Variants in CDC73 observed in about 807,000 individuals in gnomAD.
CDC73 encodes parafibromin.
Under a neutral mutation model 83.7 loss-of-function variants are expected in CDC73, and 21 were observed. That is an observed-to-expected ratio of 0.25 (90% confidence interval 0.18 to 0.36). The LOEUF (loss-of-function observed/expected upper bound fraction) is 0.36, where lower values mean the gene tolerates loss of function less well. CDC73 is among the 10% of genes least tolerant of loss of function. CDC73 has a pLI of 1.00. For missense variants in CDC73, 342 were observed against 653.3 expected (o/e 0.52, Z 5.19); for synonymous variants, 224 against 212.9 (o/e 1.05, Z -0.45).
At chr1:193,204,872 A>G (rs1030858494) in intron 11 of CDC73, among the ~76,000 whole-genome samples, 2 of 152,158 alleles carry the variant, frequency 1.3e-5, no homozygotes, top group African/African-American at 4.8e-5. Flanking sequence ...TACAGATGTG[A>G]ATTTTTTTCC....
In CDC73 at chr1:193,212,162, C is replaced by A; in HGVS notation, c.1066+62C>A. 3 of 1,340,032 alleles carry A rather than the reference C, an allele frequency of 2.2e-6. No individual in the cohort carries two copies. In the South Asian group the frequency reaches 3.8e-5, roughly 17 times the overall value. 83.0% of individuals were successfully genotyped at this position (1,340,032 alleles called of 1,614,324 possible). ...AAAGTAAATGATTGCAAAACCAGGC[C>A]TGATAATTTTCTTGTGCAGCTGTAT... is the stretch of plus-strand genomic sequence containing the variant. On this transcript the variant is annotated intron_variant, in intron 12 of 16. Coordinates refer to ENST00000367435, the MANE Select transcript of CDC73 (RefSeq NM_024529.5).
chr1:193,141,412 G>A (rs1489422301), intron 6 of CDC73, among the ~76,000 whole-genome samples: 1 of 152,122 alleles, frequency 6.6e-6, no homozygotes, highest in Non-Finnish European at 1.5e-5. Flanking sequence ...CTGCACTATG[G>A]CATACAAGTT....
chr1:193,230,833 G>A (rs1193737742), intron 13 of CDC73, among the ~76,000 whole-genome samples: 2 of 152,122 alleles, frequency 1.3e-5, no homozygotes, highest in Non-Finnish European at 2.9e-5. Context: ...TTAGGGAAGA[G>A]GTCATAAGAT....
chr1:193,245,063 T>G (rs1423723323), intron 15 of CDC73, among the ~76,000 whole-genome samples: 2 of 152,258 alleles, frequency 1.3e-5, no homozygotes, highest in African/African-American at 2.4e-5. Context: ...CATAGTGATA[T>G]TTTGATACAT....
At chr1:193,170,882 A>G (rs776182740) in intron 10 of CDC73, among the ~76,000 whole-genome samples, 4 of 152,152 alleles carry the variant, frequency 2.6e-5, no homozygotes, top group Non-Finnish European at 5.9e-5. Flanking sequence ...TCTTTCTAAA[A>G]CACATCTGTG....
chr1:193,235,032 GT>G (rs1677733107), intron 14 of CDC73, among the ~76,000 whole-genome samples: 1 of 151,972 alleles, frequency 6.6e-6, no homozygotes, highest in South Asian at 2.1e-4. Flanking sequence ...CTGGTTTAAT[GT>G]TTTTTTGTAT....
intron 8 of CDC73, among the ~76,000 whole-genome samples, chr1:193,149,363 C>T (rs763152767): frequency 6.6e-6 from 1 of 151,814 alleles, no homozygotes; most frequent in Non-Finnish European, 1.5e-5. Context: ...CAGCAGTTCC[C>T]TACTTATTAG....
chr1:193,200,074 A>C (rs917693772), intron 10 of CDC73, among the ~76,000 whole-genome samples: 3 of 151,724 alleles, frequency 2.0e-5, no homozygotes, highest in Non-Finnish European at 4.4e-5. Context: ...CAAAAAAAAA[A>C]AAAACAAAAA....
chr1:193,130,233 T>C lies in CDC73; in HGVS notation c.297T>C (p.Asn99=). Residue 99 remains asparagine, a synonymous_variant, in exon 3 of 17, where the codon AAT becomes AAC. Transcript: ENST00000367435. ...GAAAAGATCTACTTGGATATCTCAA[T>C]GGTGAAGCGTGTGAGTACTTTTTAA... is the stretch of plus-strand genomic sequence containing the variant. ...PDRKDLLGYL[N]GEASTSASID... 1.3e-6 allele frequency: 2 copies of C among 1,574,544 alleles called. No homozygotes were observed. The highest frequency in any genetic ancestry group is 2.2e-5 in the East Asian group (1 of 44,652).
At chr1:193,208,332 G>A (rs530728513) in intron 11 of CDC73, among the ~76,000 whole-genome samples, 21 of 152,112 alleles carry the variant, frequency 1.4e-4, no homozygotes, top group Non-Finnish European at 2.6e-4. Flanking sequence ...TTTTATTTCC[G>A]GTGGCACCTT....
intron 11 of CDC73, 119 bp from the exon 12 acceptor site, chr1:193,211,946 G>A: frequency 1.3e-6 from 1 of 748,858 alleles, no homozygotes. Flanking sequence ...AAAGTCTTCT[G>A]ATTTACAGTT....
intron 8 of CDC73, 101 bp from the exon 9 acceptor site, chr1:193,150,203 C>T (rs1676081158): frequency 1.3e-5 from 11 of 834,392 alleles, no homozygotes; most frequent in East Asian, 8.1e-5. Flanking sequence ...CCCAGGAGGT[C>T]TTGGCTGCAG....
Position 193,135,524 on chromosome 1 carries a change from CTTTCTT to C in CDC73, c.371-10_371-5del. ...CAAAACTACACATTTATTTACTTCT[CTTTCTT>C]TTATAGTCAAACGAGCTGCAGATGA... On this transcript the variant is annotated splice_region_variant and splice_polypyrimidine_tract_variant and intron_variant, in intron 4 of 16. Coordinates refer to ENST00000367435, the MANE Select transcript of CDC73 (RefSeq NM_024529.5). 6.2e-7 allele frequency: 1 copy of C among 1,613,302 alleles called. No individual in the cohort carries two copies. The highest frequency in any genetic ancestry group is 8.5e-7 in the Non-Finnish European group (1 of 1,179,356).
At chr1:193,162,411 C>T (rs138770337) in intron 10 of CDC73, among the ~76,000 whole-genome samples, 5,676 of 145,938 alleles carry the variant, frequency 0.039, 109 homozygotes, top group Middle Eastern at 0.049. Flanking sequence ...CTCACTCTGT[C>T]GCTCAGGCTG....
At chr1:193,226,246 G>A (rs375213440) in intron 13 of CDC73, among the ~76,000 whole-genome samples, 13 of 152,138 alleles carry the variant, frequency 8.5e-5, no homozygotes, top group Non-Finnish European at 1.8e-4. Flanking sequence ...ACAGTTGGCT[G>A]TAAGTATTTG....
rs191137899 is a variant in CDC73 at position 193,226,903 on chromosome 1, C to T, written c.1155-6090C>T. On this transcript the variant is annotated intron_variant, in intron 13 of 16. Transcript: ENST00000367435. ...GTCAAAAGGATTGGTACCAATTCTT[C>T]TTCCAATGTCTGATACAATTCAGCT... 1.5e-3 allele frequency among the ~76,000 whole-genome samples: 228 copies of T among 152,262 alleles called. 1 individual carries two copies. The highest frequency in any genetic ancestry group is 4.7e-3 in the African/African-American group (197 of 41,568).
chr1:193,241,840 T>A (rs1335997840), intron 15 of CDC73, among the ~76,000 whole-genome samples: 3 of 152,188 alleles, frequency 2.0e-5, no homozygotes, highest in African/African-American at 7.2e-5. Flanking sequence ...TCCTCAGGCC[T>A]CCAGGTCGCA....
At chr1:193,143,348 C>T (rs1483019053) in intron 7 of CDC73, among the ~76,000 whole-genome samples, 3 of 152,082 alleles carry the variant, frequency 2.0e-5, no homozygotes, top group South Asian at 2.1e-4. Flanking sequence ...TTGTGACTTA[C>T]GTTGATCCAC....
At chr1:193,199,969 C>T (rs188565054) in intron 10 of CDC73, among the ~76,000 whole-genome samples, 20 of 151,398 alleles carry the variant, frequency 1.3e-4, no homozygotes, top group East Asian at 1.2e-3. Context: ...TCAGGCCAAG[C>T]GTGGTGGTAC....
Sources: gnomAD v4.1 joint callset for allele counts (sites outside exome capture counted in the v4.1 genomes callset) on GRCh38, gnomAD v4.1.1 for gene constraint, MANE v1.5 for transcripts, NCBI Gene and HGNC (gene_info 2026-07-23, HGNC 2026-07-21) for gene names.